The following ILRUN variants were observed in gnomAD, a reference collection of about 807,000 sequenced individuals.
ILRUN encodes the protein inflammation and lipid regulator with UBA-like and NBR1-like domains, also known as protein ILRUN.
In ILRUN, 3 loss-of-function variants were observed where a neutral mutation model predicts 33.8. The ratio of observed to expected loss-of-function variants is 0.09; its 90% CI spans 0.04 to 0.23. The LOEUF (loss-of-function observed/expected upper bound fraction) is 0.23, where lower values mean the gene tolerates loss of function less well. ILRUN is among the 10% of genes least tolerant of loss of function. ILRUN has a pLI of 1.00. For synonymous variants in ILRUN, 124 were observed against 138.9 expected (o/e 0.89, Z 0.75); for missense variants, 210 against 375.1 (o/e 0.56, Z 3.64).
At chr6:34,680,398 ATTT>A (rs1554189316) in intron 1 of ILRUN, among the ~76,000 whole-genome samples, 1 of 152,018 alleles carries the variant, frequency 6.6e-6, no homozygotes, top group Non-Finnish European at 1.5e-5. Context: ...ATTATCGCTT[ATTT>A]TTTTGTTTAT....
chr6:34,646,632 C>T lies in ILRUN; in HGVS notation c.480G>A (p.Arg160=), dbSNP rs755118146. The T allele has an allele frequency of 1.2e-6, 2 of 1,614,144 alleles. No individual in the cohort carries two copies. Among genetic ancestry groups the T allele is most frequent in the African/African-American group, 1.3e-5 (1 of 75,042 alleles). The stretch of plus-strand genomic sequence containing the variant: ...AGTAGAGTCCTGTAGCAGTGCACAT[C>T]CGCCACTGTCCCTGATACATTCCTG... ...SRAGMYQGQW[R]MCTATGLYYG... is the part of the protein sequence containing the mutation. Residue 160 remains arginine, a synonymous_variant, in exon 3 of 5, where the codon CGG becomes CGA. Coordinates refer to ENST00000374023, the MANE Select transcript of ILRUN (RefSeq NM_024294.4). The surrounding 1 kb of genome is among the most constrained non-coding windows in gnomAD (Gnocchi z 4.9).
At chr6:34,673,352 A>C (rs1763155309) in intron 1 of ILRUN, among the ~76,000 whole-genome samples, 1 of 152,196 alleles carries the variant, frequency 6.6e-6, no homozygotes, top group Admixed American at 6.5e-5. Context: ...CAAAAAGATA[A>C]AACTGACAGA....
chr6:34,663,001 G>C (rs1235788818), intron 1 of ILRUN, among the ~76,000 whole-genome samples: 1 of 152,090 alleles, frequency 6.6e-6, no homozygotes, highest in East Asian at 1.9e-4. Context: ...GGCTGCAGTG[G>C]GAGGATCCCT....
At chr6:34,696,047 T>C (rs1337315772) in intron 1 of ILRUN, among the ~76,000 whole-genome samples, 1 of 151,924 alleles carries the variant, frequency 6.6e-6, no homozygotes, top group African/African-American at 2.4e-5. Flanking sequence ...CCCCAACCTT[T>C]TTCCCCACTC....
At chr6:34,678,225 G>A (rs962191140) in intron 1 of ILRUN, among the ~76,000 whole-genome samples, 1 of 152,092 alleles carries the variant, frequency 6.6e-6, no homozygotes, top group African/African-American at 2.4e-5. Context: ...TTTTTTAGTA[G>A]AGACGGGGTT....
chr6:34,693,058 A>G (rs189768454), intron 1 of ILRUN, among the ~76,000 whole-genome samples: 25 of 152,198 alleles, frequency 1.6e-4, no homozygotes, highest in Admixed American at 5.9e-4. Context: ...AGCCTGGGAG[A>G]CAGAATGAGA....
At chr6:34,677,518 C>T (rs1457511491) in intron 1 of ILRUN, among the ~76,000 whole-genome samples, 1 of 151,786 alleles carries the variant, frequency 6.6e-6, no homozygotes, top group Non-Finnish European at 1.5e-5. Flanking sequence ...TGATTATACT[C>T]CAATTTGAAA....
chr6:34,670,205 G>A (rs1016483424), intron 1 of ILRUN, among the ~76,000 whole-genome samples: 4 of 152,000 alleles, frequency 2.6e-5, no homozygotes, highest in East Asian at 1.9e-4. Context: ...AAGCAACCCC[G>A]CCTGGCCAAA....
At chr6:34,688,459 A>G (rs1272635100) in intron 1 of ILRUN, among the ~76,000 whole-genome samples, 3 of 151,898 alleles carry the variant, frequency 2.0e-5, no homozygotes, top group Non-Finnish European at 4.4e-5. Flanking sequence ...ATGAACCCTG[A>G]AAACATAATG....
At chr6:34,695,966 T>C (rs1240355022) in intron 1 of ILRUN, among the ~76,000 whole-genome samples, 2 of 151,846 alleles carry the variant, frequency 1.3e-5, no homozygotes, top group Non-Finnish European at 2.9e-5. Flanking sequence ...AGTGCTCAGG[T>C]TGTTCCACAG....
At chr6:34,651,837 GGCTGGAGT>G (rs1762678380) in intron 2 of ILRUN, among the ~76,000 whole-genome samples, 1 of 141,396 alleles carries the variant, frequency 7.1e-6, no homozygotes, top group African/African-American at 2.6e-5. Context: ...CTGTTGCCCA[GGCTGGAGT>G]GCAGCGGCGC....
chr6:34,650,781 A>G (rs1762649788), intron 2 of ILRUN, among the ~76,000 whole-genome samples: 1 of 152,092 alleles, frequency 6.6e-6, no homozygotes, highest in African/African-American at 2.4e-5. Flanking sequence ...ACAGTGCGCA[A>G]CGTTCGCCTT....
intron 1 of ILRUN, among the ~76,000 whole-genome samples, chr6:34,695,147 G>A (rs116141525): frequency 6.6e-6 from 1 of 152,184 alleles, no homozygotes; most frequent in African/African-American, 2.4e-5. Context: ...GGTAGAACTA[G>A]GTAGGAGTGG....
In ILRUN at chr6:34,588,176, GC is replaced by G; in HGVS notation, c.*2388del. Reference sequence around the variant, plus strand: ...TGACTTGCACTTACTCTGGCCCTCTGCAAGGAGCTCATCTCGCCTCCAAGGA... The same window carrying G: ...TGACTTGCACTTACTCTGGCCCTCTGAAGGAGCTCATCTCGCCTCCAAGGA... On this transcript the variant is annotated 3_prime_UTR_variant, in exon 5 of 5. Coordinates refer to ENST00000374023, the MANE Select transcript of ILRUN (RefSeq NM_024294.4). The G allele has an allele frequency of 2.5e-6, 1 of 398,832 alleles. No individual in the cohort carries two copies. The highest frequency in any genetic ancestry group is 4.4e-6 in the Non-Finnish European group (1 of 226,208). The allele number at this position is 398,832 out of a possible 1,614,324, so 24.7% of individuals were successfully genotyped here. A position where few individuals can be genotyped will look rare whatever the true frequency, so the allele number is the denominator to read the frequency against.
In ILRUN at chr6:34,598,517, A is replaced by C. The variant is rs77509435; in HGVS notation, c.862-7917T>G. Reference sequence around the variant, plus strand: ...TCAGAAATTAAAATGCTGAATTCAGAGTATGGGGAAGAGAATGGGCCCTTA... The same window carrying C: ...TCAGAAATTAAAATGCTGAATTCAGCGTATGGGGAAGAGAATGGGCCCTTA... On this transcript the variant is annotated intron_variant, in intron 4 of 4. Transcript: ENST00000374023. Among the ~76,000 whole-genome samples, 643 of 152,324 alleles carry C rather than the reference A, an allele frequency of 4.2e-3. 5 individuals carry two copies. Among genetic ancestry groups the C allele is most frequent in the African/African-American group, 0.014 (599 of 41,562 alleles).
intron 3 of ILRUN, among the ~76,000 whole-genome samples, chr6:34,641,311 A>AT (rs1051353870): frequency 6.6e-6 from 1 of 151,944 alleles, no homozygotes; most frequent in African/African-American, 2.4e-5. Flanking sequence ...ATGGAAGTTT[A>AT]TTTTTTTCCA....
intron 2 of ILRUN, among the ~76,000 whole-genome samples, chr6:34,648,263 G>C (rs1456531734): frequency 1.3e-5 from 2 of 152,124 alleles, no homozygotes; most frequent in Admixed American, 1.3e-4. Context: ...TCTTAGAACA[G>C]AGGGTGCTTG....
chr6:34,638,140 G>A lies in ILRUN; in HGVS notation c.511+8461C>T, dbSNP rs1389375962. Among the ~76,000 whole-genome samples, 5 of 151,664 alleles carry A rather than the reference G, an allele frequency of 3.3e-5. No homozygotes were observed. In the East Asian group the frequency reaches 5.8e-4, roughly 18 times the overall value. On this transcript the variant is annotated intron_variant, in intron 3 of 4. Transcript: ENST00000374023. ...TGGGCTCAGGCAATCCACCTGCCTC[G>A]GCCTCCCAAAGTGCTGGGACTACAG...
Position 34,590,496 on chromosome 6 carries a change from C to A in ILRUN, c.*69G>T, listed in dbSNP as rs1761273415. ...CGATGTGGTCTGCAATCCAGAGGAA[C>A]CCCTTGCCCTAACCCCCCAAAGTCA... On this transcript the variant is annotated 3_prime_UTR_variant, in exon 5 of 5. Transcript: ENST00000374023. 3 of 1,610,134 alleles carry A rather than the reference C, an allele frequency of 1.9e-6. No individual in the cohort carries two copies. Among genetic ancestry groups the A allele is most frequent in the Non-Finnish European group, 1.7e-6 (2 of 1,178,060 alleles).
Sources: gnomAD v4.1 joint callset for allele counts (sites outside exome capture counted in the v4.1 genomes callset) on GRCh38, gnomAD v4.1.1 for gene constraint, Gnocchi (gnomAD v3.1) non-coding constraint, MANE v1.5 for transcripts, NCBI Gene and HGNC (gene_info 2026-07-23, HGNC 2026-07-21) for gene names.